The following LARGE1 variants were observed in gnomAD, a reference collection of about 807,000 sequenced individuals.
LARGE1 encodes xylosyl- and glucuronyltransferase LARGE1.
LARGE1 carries 43 observed loss-of-function variants against 87.6 expected under a neutral mutation model. The ratio of observed to expected loss-of-function variants is 0.49; its 90% CI spans 0.38 to 0.63. The LOEUF (loss-of-function observed/expected upper bound fraction) is 0.63, where lower values mean the gene tolerates loss of function less well. Among genes scored for constraint, LARGE1 ranks in the 30% least tolerant of loss-of-function variants. LARGE1 has a pLI of 0.00. For missense variants in LARGE1, 802 were observed against 1,000.2 expected (o/e 0.80, Z 2.67); for synonymous variants, 434 against 394.6 (o/e 1.10, Z -1.18).
intron 2 of LARGE1, among the ~76,000 whole-genome samples, chr22:33,757,089 G>A (rs993499774): frequency 5.3e-5 from 8 of 152,300 alleles, no homozygotes; most frequent in East Asian, 3.9e-4. Context: ...CCTGATGAGC[G>A]TCCTTCACCA....
At chr22:33,374,856 T>C (rs2064940180) in intron 9 of LARGE1, among the ~76,000 whole-genome samples, 1 of 152,204 alleles carries the variant, frequency 6.6e-6, no homozygotes, top group South Asian at 2.1e-4. Context: ...TCCATGTTAA[T>C]TGCTTATTAT....
At chr22:33,771,389 G>T (rs369693613) in intron 1 of LARGE1, among the ~76,000 whole-genome samples, 19 of 152,140 alleles carry the variant, frequency 1.2e-4, no homozygotes, top group African/African-American at 4.6e-4. Flanking sequence ...ACACTCTCAG[G>T]CTGGCAGATA....
chr22:33,332,468 G>A (rs139259155), intron 10 of LARGE1, among the ~76,000 whole-genome samples: 1,933 of 152,154 alleles, frequency 0.013, 45 homozygotes, highest in African/African-American at 0.043. Flanking sequence ...TATCAGCAGC[G>A]TGAAAATGGA....
chr22:33,409,289 G>A (rs542407500), intron 7 of LARGE1, among the ~76,000 whole-genome samples: 72 of 140,316 alleles, frequency 5.1e-4, no homozygotes, highest in African/African-American at 1.6e-3. Context: ...ACCCTGAGAC[G>A]GAAGGAGGAG....
chr22:33,639,264 A>T lies in LARGE1; in HGVS notation c.408+11103T>A, dbSNP rs114507753. Among the ~76,000 whole-genome samples, 1,478 of 152,092 alleles carry T rather than the reference A, an allele frequency of 9.7e-3. 22 individuals are homozygous for T. Among genetic ancestry groups the T allele is most frequent in the African/African-American group, 0.034 (1,394 of 41,484 alleles). ...AGAAAGGGAGGTTGGGTCAGCACCC[A>T]CTCTTCCAGCATTGTACTGTTCCAG... On this transcript the variant is annotated intron_variant, in intron 3 of 14. Transcript: ENST00000397394.
At chr22:33,700,377 T>A (rs1005078830) in intron 2 of LARGE1, among the ~76,000 whole-genome samples, 2 of 152,186 alleles carry the variant, frequency 1.3e-5, no homozygotes, top group African/African-American at 2.4e-5. Flanking sequence ...GAAGTTTAAC[T>A]ACAATGTCCA....
At chr22:33,383,865 T>A (rs563803136) in intron 8 of LARGE1, among the ~76,000 whole-genome samples, 1 of 152,320 alleles carries the variant, frequency 6.6e-6, no homozygotes, top group Admixed American at 6.5e-5. Flanking sequence ...CGACATCTAC[T>A]TATGAGTCTG....
At chr22:33,160,246 A>AT (rs1439408430), downstream of LARGE1, among the ~76,000 whole-genome samples, 4 of 152,156 alleles carry the variant, frequency 2.6e-5, no homozygotes, top group Non-Finnish European at 4.4e-5. Context: ...TTTGAATTAC[A>AT]TTTTTTGTTT....
At chr22:33,788,135 T>C (rs768014688) in intron 1 of LARGE1, among the ~76,000 whole-genome samples, 2 of 152,192 alleles carry the variant, frequency 1.3e-5, no homozygotes, top group Non-Finnish European at 2.9e-5. Flanking sequence ...CCACATGTCA[T>C]GGGCAGGGCC....
intron 2 of LARGE1, among the ~76,000 whole-genome samples, chr22:33,742,317 A>G (rs750421222): frequency 2.6e-5 from 4 of 152,232 alleles, no homozygotes; most frequent in Non-Finnish European, 5.9e-5. Flanking sequence ...CCTAGCATAT[A>G]GCAAGTGCTC....
At chr22:33,289,022 G>A (rs1452108386) in intron 12 of LARGE1, among the ~76,000 whole-genome samples, 3 of 151,842 alleles carry the variant, frequency 2.0e-5, no homozygotes, top group East Asian at 1.9e-4. Context: ...GCGGTGGTGC[G>A]ATCTCGGCTC....
At chr22:33,367,728 A>G (rs1306751520) in intron 9 of LARGE1, among the ~76,000 whole-genome samples, 1 of 152,108 alleles carries the variant, frequency 6.6e-6, no homozygotes, top group Non-Finnish European at 1.5e-5. Flanking sequence ...GGCCCGGCCA[A>G]CTCTAACGTT....
the LARGE1 span, among the ~76,000 whole-genome samples, chr22:33,155,651 G>A: frequency 6.6e-6 from 1 of 152,212 alleles, no homozygotes; most frequent in Non-Finnish European, 1.5e-5. Flanking sequence ...ACCTGACAAT[G>A]CGATAGAAAA....
chr22:33,835,793 G>A (rs1232151790), intron 1 of LARGE1, among the ~76,000 whole-genome samples: 1 of 152,198 alleles, frequency 6.6e-6, no homozygotes, highest in African/African-American at 2.4e-5. Context: ...AGCATGTGAG[G>A]TCTGGGTCTG....
the LARGE1 span, among the ~76,000 whole-genome samples, chr22:33,113,762 T>C: frequency 6.6e-6 from 1 of 152,214 alleles, no homozygotes; most frequent in African/African-American, 2.4e-5. Flanking sequence ...TGCTTAGACA[T>C]TAGAACCACA....
the LARGE1 span, among the ~76,000 whole-genome samples, chr22:33,067,977 C>G: frequency 7.3e-6 from 1 of 136,568 alleles, no homozygotes; most frequent in South Asian, 2.4e-4. Context: ...GAGACTGTCT[C>G]AAAAAAAAAA....
chr22:33,483,911 A>G (rs959182546), intron 6 of LARGE1, among the ~76,000 whole-genome samples: 5 of 152,162 alleles, frequency 3.3e-5, no homozygotes, highest in Admixed American at 6.5e-5. Context: ...ATGGCCTGGC[A>G]GCAGAGGCGG....
intron 3 of LARGE1, among the ~76,000 whole-genome samples, chr22:33,633,069 G>A (rs976007628): frequency 6.6e-6 from 1 of 152,142 alleles, no homozygotes; most frequent in Non-Finnish European, 1.5e-5. Flanking sequence ...CTTACAACCT[G>A]CAGAAAAGAT....
chr22:33,456,373 A>G (rs939375971), intron 6 of LARGE1, among the ~76,000 whole-genome samples: 24 of 152,086 alleles, frequency 1.6e-4, no homozygotes, highest in Non-Finnish European at 2.2e-4. Flanking sequence ...ATACTCCCCA[A>G]TTTTGGGTAC....
Sources: gnomAD v4.1 joint callset for allele counts (sites outside exome capture counted in the v4.1 genomes callset) on GRCh38, gnomAD v4.1.1 for gene constraint, MANE v1.5 for transcripts, NCBI Gene and HGNC (gene_info 2026-07-23, HGNC 2026-07-21) for gene names.